FBXL2: variants seen among roughly 807,000 people sequenced by gnomAD.
The protein encoded by FBXL2 is F-box and leucine rich repeat protein 2, also known as F-box/LRR-repeat protein 2.
FBXL2 carries 38 observed loss-of-function variants against 69.2 expected under a neutral mutation model. The observed-to-expected ratio is 0.55, with a 90% confidence interval of 0.42 to 0.72. FBXL2 has a LOEUF of 0.72. FBXL2 is among the 30% of genes least tolerant of loss of function. The pLI, the probability that FBXL2 is intolerant of heterozygous loss-of-function variation, is 0.00. For missense variants in FBXL2, 354 were observed against 520.3 expected (o/e 0.68, Z 3.11); for synonymous variants, 192 against 201.3 (o/e 0.95, Z 0.39).
intron 2 of FBXL2, chr3:33,302,952 G>C: frequency 7.1e-6 from 2 of 283,640 alleles, no homozygotes; most frequent in South Asian, 6.8e-5. Flanking sequence ...TATGGTTTTT[G>C]TTGGAATCAT....
downstream of FBXL2, chr3:33,391,640 C>G (rs1380442884): frequency 6.6e-6 from 1 of 152,374 alleles, no homozygotes; most frequent in South Asian, 2.1e-4. Context: ...TTACTTTCCA[C>G]AGAAAATAAG....
At chr3:33,286,988 G>C (rs985479981) in intron 1 of FBXL2, among the ~76,000 whole-genome samples, 6 of 152,118 alleles carry the variant, frequency 3.9e-5, no homozygotes, top group Admixed American at 2.6e-4. Context: ...GCGCTTTCCA[G>C]GTGAGGCAAT....
intron 12 of FBXL2, among the ~76,000 whole-genome samples, chr3:33,399,992 T>TG (rs2044160311): frequency 6.6e-6 from 1 of 152,246 alleles, no homozygotes. Context: ...CAATGTCAAC[T>TG]GCCTGGCTTC....
intron 13 of FBXL2, among the ~76,000 whole-genome samples, chr3:33,382,157 C>A (rs779550356): frequency 1.1e-4 from 16 of 152,230 alleles, no homozygotes; most frequent in Non-Finnish European, 1.6e-4. Context: ...AACTCTCAGA[C>A]ATTTCCTTGC....
intron 7 of FBXL2, 28 bp from the exon 8 acceptor site, chr3:33,373,550 C>CATAA (rs1200707477): frequency 1.8e-5 from 29 of 1,613,956 alleles, no homozygotes; most frequent in Non-Finnish European, 2.2e-5. Context: ...AGAGACTGCA[C>CATAA]ATAAGTTTTT....
intron 2 of FBXL2, among the ~76,000 whole-genome samples, chr3:33,316,866 C>A (rs1041700122): frequency 1.3e-5 from 2 of 151,574 alleles, no homozygotes; most frequent in Non-Finnish European, 2.9e-5. Context: ...TAACTATCAC[C>A]ACAGTCAGTG....
intron 12 of FBXL2, chr3:33,396,293 G>C: frequency 6.4e-7 from 1 of 1,558,896 alleles, no homozygotes; most frequent in Non-Finnish European, 8.8e-7. Context: ...GCAATCAGAA[G>C]ATGCCACTGA....
the FBXL2 span, chr3:33,411,608 T>A: frequency 6.2e-7 from 1 of 1,614,200 alleles, no homozygotes; most frequent in South Asian, 1.1e-5. Context: ...TGCGTTTTGC[T>A]GGGTCCCACA....
intron 2 of FBXL2, among the ~76,000 whole-genome samples, chr3:33,326,688 A>AC (rs1235940219): frequency 2.0e-5 from 3 of 152,144 alleles, no homozygotes; most frequent in Non-Finnish European, 4.4e-5. Flanking sequence ...ACCTTGGTAT[A>AC]TGAGCACAGG....
intron 1 of FBXL2, chr3:33,289,818 T>TGG: frequency 1.0e-6 from 1 of 984,020 alleles, no homozygotes; most frequent in Non-Finnish European, 1.2e-6. Flanking sequence ...TGCTGAAGGT[T>TGG]GGGGGCAGGG....
chr3:33,325,291 C>G (rs2038600667), intron 2 of FBXL2, among the ~76,000 whole-genome samples: 1 of 152,182 alleles, frequency 6.6e-6, no homozygotes, highest in African/African-American at 2.4e-5. Context: ...ATTTCTTTCT[C>G]TTGCCTGATT....
chr3:33,370,948 CCTCTGT>C (rs141013062), intron 5 of FBXL2, among the ~76,000 whole-genome samples: 11,823 of 152,012 alleles, frequency 0.078, 524 homozygotes, highest in South Asian at 0.11. Context: ...TTTCCTTCTT[CCTCTGT>C]CTCTCTTATT....
intron 2 of FBXL2, among the ~76,000 whole-genome samples, chr3:33,358,497 T>A (rs541493160): frequency 6.6e-6 from 1 of 152,294 alleles, no homozygotes; most frequent in South Asian, 2.1e-4. Context: ...GAAAAACTGA[T>A]CACTTATAGA....
At chr3:33,316,326 C>G (rs1406576205) in intron 2 of FBXL2, among the ~76,000 whole-genome samples, 2 of 151,892 alleles carry the variant, frequency 1.3e-5, no homozygotes, top group African/African-American at 4.8e-5. Context: ...CCCAAAGTGC[C>G]GAGATTACAG....
At chr3:33,408,110 C>T (rs936068968), downstream of FBXL2, among the ~76,000 whole-genome samples, 1 of 152,042 alleles carries the variant, frequency 6.6e-6, no homozygotes, top group Admixed American at 6.6e-5. Flanking sequence ...ACATGAATCC[C>T]ATCAGAGTTT....
At chr3:33,279,458 A>G (rs2033721384) in intron 1 of FBXL2, among the ~76,000 whole-genome samples, 1 of 152,006 alleles carries the variant, frequency 6.6e-6, no homozygotes, top group Non-Finnish European at 1.5e-5. Flanking sequence ...TTTAGTAGAG[A>G]TGGGGTTTCA....
Position 33,284,783 on chromosome 3 carries a change from C to T in FBXL2, c.3+7268C>T, listed in dbSNP as rs1033520212. ...AGTTAGCTCTTGTTGTTGAATTGATCCGTTTACCATTATGTAATGGCCTTC... is the reference window on the plus strand; with the variant it reads ...AGTTAGCTCTTGTTGTTGAATTGATTCGTTTACCATTATGTAATGGCCTTC... On this transcript the variant is annotated intron_variant, in intron 1 of 14. Transcript: ENST00000484457. Among the ~76,000 whole-genome samples the T allele has an allele frequency of 3.9e-5, 6 of 152,246 alleles. No individual in the cohort carries two copies. The South Asian group carries it at 8.3e-4, about 21-fold the overall frequency.
At chr3:33,383,283 T>A (rs2043179967) in intron 13 of FBXL2, 2 of 152,476 alleles carry the variant, frequency 1.3e-5, no homozygotes, top group Non-Finnish European at 2.9e-5. Context: ...CTCTCTAGTT[T>A]TTATGGTGGG....
chr3:33,375,880 G>C (rs960607317), intron 10 of FBXL2, among the ~76,000 whole-genome samples: 13 of 152,262 alleles, frequency 8.5e-5, no homozygotes, highest in African/African-American at 2.6e-4. Context: ...ATTTAGGCCA[G>C]GCATGGTGGC....
Sources: allele counts gnomAD v4.1 joint callset (sites outside exome capture counted in the v4.1 genomes callset), GRCh38; gene constraint gnomAD v4.1.1; transcripts MANE v1.5; gene names NCBI Gene and HGNC (gene_info 2026-07-23, HGNC 2026-07-21).